The following SYBU variants were observed in gnomAD, a reference collection of about 807,000 sequenced individuals.
The protein encoded by SYBU is syntabulin.
In SYBU, 21 loss-of-function variants were observed where a neutral mutation model predicts 35.9. The ratio of observed to expected loss-of-function variants is 0.58; its 90% CI spans 0.41 to 0.84. The LOEUF is 0.84. SYBU is among the 40% of genes least tolerant of loss of function. SYBU has a pLI of 0.00. For synonymous variants in SYBU, 319 were observed against 324.3 expected, an observed-to-expected ratio of 0.98 and a Z score of 0.18; for missense variants, 768 against 848.2, an observed-to-expected ratio of 0.91 and a Z score of 1.17.
chr8:109,679,169 T>C (rs1397723580), intron 1 of SYBU, among the ~76,000 whole-genome samples: 1 of 152,340 alleles, frequency 6.6e-6, no homozygotes, highest in African/African-American at 2.4e-5. Flanking sequence ...CATGACAGTT[T>C]ATAAATGCCA....
chr8:109,645,633 G>GTTTTGTTTT (rs796659216), upstream of SYBU: 3 of 230,826 alleles, frequency 1.3e-5, no homozygotes, highest in Admixed American at 1.0e-4. Context: ...TTCGTTTTTT[G>GTTTTGTTTT]TTTTTTTTTT....
chr8:109,688,501 C>A (rs1817570021), intron 1 of SYBU, among the ~76,000 whole-genome samples: 1 of 152,134 alleles, frequency 6.6e-6, no homozygotes, highest in Non-Finnish European at 1.5e-5. Flanking sequence ...CATTGGTGGC[C>A]AACCCCAAAG....
At chr8:109,588,640 A>G (rs537735071) in intron 3 of SYBU, among the ~76,000 whole-genome samples, 1 of 152,342 alleles carries the variant, frequency 6.6e-6, no homozygotes, top group South Asian at 2.1e-4. Context: ...GTAATACATC[A>G]TCTGATATAC....
intron 1 of SYBU, among the ~76,000 whole-genome samples, chr8:109,669,339 C>CA (rs533510895): frequency 0.024 from 1,208 of 49,668 alleles, 181 homozygotes; most frequent in Admixed American, 0.029. Flanking sequence ...GAGACTCCGT[C>CA]AAAAAAAAAA....
chr8:109,622,128 T>TC (rs2130405300), intron 2 of SYBU, among the ~76,000 whole-genome samples: 1 of 152,182 alleles, frequency 6.6e-6, no homozygotes, highest in Non-Finnish European at 1.5e-5. Context: ...TGAGATTCTT[T>TC]TTTTTTCAAG....
At chr8:109,595,286 T>G (rs972310944) in intron 3 of SYBU, among the ~76,000 whole-genome samples, 24 of 152,190 alleles carry the variant, frequency 1.6e-4, no homozygotes, top group African/African-American at 5.5e-4. Flanking sequence ...CAGAGGATGG[T>G]AAAAATTCTT....
At chr8:109,612,415 C>A (rs1013558857) in intron 3 of SYBU, among the ~76,000 whole-genome samples, 2 of 152,216 alleles carry the variant, frequency 1.3e-5, no homozygotes, top group African/African-American at 4.8e-5. Flanking sequence ...TGCCGGAAGA[C>A]CTTAGCTTAT....
chr8:109,611,820 G>T (rs1346580365), intron 3 of SYBU, among the ~76,000 whole-genome samples: 1 of 152,144 alleles, frequency 6.6e-6, no homozygotes, highest in Non-Finnish European at 1.5e-5. Flanking sequence ...AAATGGCCTT[G>T]TATGTCCAAC....
intron 3 of SYBU, among the ~76,000 whole-genome samples, chr8:109,606,693 A>C (rs1482303328): frequency 6.6e-6 from 1 of 152,188 alleles, no homozygotes; most frequent in Non-Finnish European, 1.5e-5. Context: ...TATTAAGTTA[A>C]TCACCTAAAG....
chr8:109,579,890 G>T lies in SYBU; in HGVS notation c.643C>A (p.Pro215Thr), dbSNP rs745757488. ...LSMLCRNQLS[P>T]VNIHPSYAPS... Reference sequence around the variant, plus strand: ...GCATAACTGGGATGGATATTGACAGGGCTCAGCTGATTCCTGCACAGCATG... The same window carrying T: ...GCATAACTGGGATGGATATTGACAGTGCTCAGCTGATTCCTGCACAGCATG... Residue 215 changes from proline (P) to threonine (T), a missense_variant, in exon 5 of 7, where the codon CCT becomes ACT. Pro to Thr is a conservative substitution (Grantham distance 38). Transcript: ENST00000276646. 6.2e-7 allele frequency: 1 copy of T among 1,614,104 alleles called. No homozygotes were observed. Among genetic ancestry groups the T allele is most frequent in the Non-Finnish European group, 8.5e-7 (1 of 1,180,012 alleles).
At chr8:109,586,437 G>C in intron 3 of SYBU, 1 of 405,250 alleles carries the variant, frequency 2.5e-6, no homozygotes, top group Non-Finnish European at 4.4e-6. Flanking sequence ...AGTGACCCAA[G>C]TGCATCAAGA....
intron 1 of SYBU, among the ~76,000 whole-genome samples, chr8:109,688,781 A>G (rs920979055): frequency 6.6e-6 from 1 of 151,620 alleles, no homozygotes; most frequent in South Asian, 2.1e-4. Flanking sequence ...TAAAAAAAAA[A>G]AGAGAGAGAA....
chr8:109,581,514 C>T (rs187100811), intron 4 of SYBU, among the ~76,000 whole-genome samples: 34 of 152,244 alleles, frequency 2.2e-4, no homozygotes, highest in African/African-American at 7.2e-4. Context: ...AGATTTGACA[C>T]CCAGTAGTGT....
At chr8:109,625,480 TG>T (rs1472187328) in intron 2 of SYBU, among the ~76,000 whole-genome samples, 1 of 152,168 alleles carries the variant, frequency 6.6e-6, no homozygotes, top group Non-Finnish European at 1.5e-5. Flanking sequence ...TGGAGTACAG[TG>T]GAACAATCAT....
chr8:109,582,622 C>G (rs938251219), intron 4 of SYBU, among the ~76,000 whole-genome samples: 5 of 152,264 alleles, frequency 3.3e-5, no homozygotes, highest in African/African-American at 1.2e-4. Context: ...ATTCCCTGAC[C>G]ATGGCTCTGG....
chr8:109,609,169 T>C (rs1402922820), intron 3 of SYBU, among the ~76,000 whole-genome samples: 4 of 152,178 alleles, frequency 2.6e-5, no homozygotes, highest in Non-Finnish European at 1.5e-5. Context: ...AGAAATCCCC[T>C]TACATTAGAG....
chr8:109,676,864 C>T (rs1817209783), intron 1 of SYBU, among the ~76,000 whole-genome samples: 2 of 152,272 alleles, frequency 1.3e-5, no homozygotes, highest in African/African-American at 4.8e-5. Flanking sequence ...TAATGAAGAA[C>T]ATGTCACTTT....
chr8:109,578,231 A>C (rs1008400955), intron 5 of SYBU, among the ~76,000 whole-genome samples: 3 of 152,128 alleles, frequency 2.0e-5, no homozygotes, highest in African/African-American at 7.2e-5. Context: ...GCTCTTATAA[A>C]AGGAACCCCA....
chr8:109,639,620 A>G (rs1814626288), intron 2 of SYBU, among the ~76,000 whole-genome samples: 1 of 152,218 alleles, frequency 6.6e-6, no homozygotes, highest in Admixed American at 6.5e-5. Context: ...CTATGATGAC[A>G]ATAGATCCCT....
Sources: allele counts gnomAD v4.1 joint callset (sites outside exome capture counted in the v4.1 genomes callset), GRCh38; gene constraint gnomAD v4.1.1; transcripts MANE v1.5; gene names NCBI Gene and HGNC (gene_info 2026-07-23, HGNC 2026-07-21).